The following FGD4 variants were observed in gnomAD, a reference collection of about 807,000 sequenced individuals.
FGD4 encodes FYVE, RhoGEF and PH domain-containing protein 4.
FGD4 carries 42 observed loss-of-function variants against 102.0 expected under a neutral mutation model. The observed-to-expected ratio is 0.41, with a 90% CI of 0.32 to 0.53. The LOEUF (loss-of-function observed/expected upper bound fraction) is 0.53. Among genes scored for constraint, FGD4 ranks in the 20% least tolerant of loss-of-function variants. The probability of loss-of-function intolerance (pLI) is 0.21; values close to 1 mark genes in which losing one functional copy is unlikely to be tolerated. For missense variants in FGD4, 902 were observed against 1,078.2 expected, an observed-to-expected ratio of 0.84 and a Z score of 2.29; for synonymous variants, 380 against 375.7, an observed-to-expected ratio of 1.01 and a Z score of -0.13.
intron 1 of FGD4, among the ~76,000 whole-genome samples, chr12:32,439,936 C>T (rs61927215): frequency 0.091 from 13,896 of 152,064 alleles, 786 homozygotes; most frequent in Middle Eastern, 0.21. Flanking sequence ...ATCTATTTTG[C>T]TAATAAAAGA....
At chr12:32,525,993 C>T (rs1941129780) in intron 1 of FGD4, among the ~76,000 whole-genome samples, 1 of 152,258 alleles carries the variant, frequency 6.6e-6, no homozygotes, top group Non-Finnish European at 1.5e-5. Flanking sequence ...GAGCCTCCGA[C>T]GAGCACCACC....
chr12:32,486,728 G>T (rs1412329042), intron 1 of FGD4, among the ~76,000 whole-genome samples: 1 of 152,200 alleles, frequency 6.6e-6, no homozygotes, highest in Non-Finnish European at 1.5e-5. Context: ...GGGATCTGAA[G>T]TATAGTTGAC....
intron 1 of FGD4, among the ~76,000 whole-genome samples, chr12:32,437,434 T>C (rs1292665337): frequency 6.6e-6 from 1 of 152,172 alleles, no homozygotes; most frequent in Non-Finnish European, 1.5e-5. Context: ...CCCTATACGA[T>C]GAGCGAGGCG....
At position 32,503,888 on chromosome 12, in the gene FGD4, GA is replaced by G. The variant is rs574132371; in HGVS notation, c.167-60244del. 9.4e-4 allele frequency among the ~76,000 whole-genome samples: 143 copies of G among 152,258 alleles called. 3 individuals carry two copies. In the South Asian group the frequency reaches 0.029, roughly 30 times the overall value. ...TTAATTACCATTATCTTAGAATCCA[GA>G]AAAAGGCTGTGAGTGAATGGGTCTG... On this transcript the variant is annotated intron_variant, in intron 1 of 16. Coordinates refer to ENST00000534526, the MANE Select transcript of FGD4 (RefSeq NM_001370298.3).
chr12:32,481,157 A>AAAAAAAAAAAT (rs1565767387), intron 1 of FGD4, among the ~76,000 whole-genome samples: 7 of 148,006 alleles, frequency 4.7e-5, no homozygotes, highest in Non-Finnish European at 1.5e-5. Context: ...AAAAAAAAAA[A>AAAAAAAAAAAT]GCCGGGCGCA....
chr12:32,471,615 A>G (rs1943416821), intron 1 of FGD4, among the ~76,000 whole-genome samples: 1 of 152,116 alleles, frequency 6.6e-6, no homozygotes, highest in South Asian at 2.1e-4. Flanking sequence ...AGTAGCTTCA[A>G]TTAGTGATTT....
At chr12:32,623,709 G>A (rs1949986284) in intron 11 of FGD4, among the ~76,000 whole-genome samples, 1 of 152,178 alleles carries the variant, frequency 6.6e-6, no homozygotes. Context: ...AATGTGGTAT[G>A]TGACAGAAGC....
intron 1 of FGD4, among the ~76,000 whole-genome samples, chr12:32,475,653 A>C (rs1044254657): frequency 1.3e-5 from 2 of 152,196 alleles, no homozygotes; most frequent in African/African-American, 4.8e-5. Flanking sequence ...TCTAGGTTTT[A>C]ATAAAATCTC....
chr12:32,458,463 C>T (rs998111981), intron 1 of FGD4, among the ~76,000 whole-genome samples: 5 of 152,056 alleles, frequency 3.3e-5, no homozygotes, highest in South Asian at 4.1e-4. Context: ...CCTGAGCCAA[C>T]GTGCCCAGGC....
intron 4 of FGD4, among the ~76,000 whole-genome samples, chr12:32,585,639 A>C (rs1227364499): frequency 1.3e-5 from 2 of 151,908 alleles, no homozygotes; most frequent in Non-Finnish European, 2.9e-5. Flanking sequence ...GTTTGAGACC[A>C]ACCTGGGCAA....
chr12:32,459,117 C>G (rs79832507), intron 1 of FGD4, among the ~76,000 whole-genome samples: 5,758 of 150,892 alleles, frequency 0.038, 165 homozygotes, highest in South Asian at 0.12. Flanking sequence ...ATTTAGACAG[C>G]AGGAAGAGTT....
chr12:32,597,532 A>G (rs931462143), intron 4 of FGD4, among the ~76,000 whole-genome samples: 15 of 152,178 alleles, frequency 9.9e-5, no homozygotes, highest in African/African-American at 1.9e-4. Flanking sequence ...ATGTCCAGCA[A>G]TAGTTAGGTA....
At chr12:32,618,491 T>TA (rs1949579703) in intron 10 of FGD4, among the ~76,000 whole-genome samples, 1 of 151,960 alleles carries the variant, frequency 6.6e-6, no homozygotes, top group Non-Finnish European at 1.5e-5. Flanking sequence ...TTTGAACTAA[T>TA]AAATAGGCTA....
intron 1 of FGD4, among the ~76,000 whole-genome samples, chr12:32,489,130 T>C (rs1243229536): frequency 1.3e-5 from 2 of 152,234 alleles, no homozygotes; most frequent in South Asian, 2.1e-4. Flanking sequence ...GCCTCTTCTC[T>C]TTTTGTATTT....
chr12:32,631,009 A>G (rs1193791643), intron 14 of FGD4, among the ~76,000 whole-genome samples: 1 of 152,102 alleles, frequency 6.6e-6, no homozygotes, highest in Non-Finnish European at 1.5e-5. Flanking sequence ...AAAATTATAT[A>G]AACTTCTATA....
chr12:32,450,954 A>T (rs1403663388), intron 1 of FGD4, among the ~76,000 whole-genome samples: 6 of 152,106 alleles, frequency 3.9e-5, no homozygotes, highest in African/African-American at 1.4e-4. Context: ...TGTCCTATAC[A>T]CTTGGGCCCT....
intron 6 of FGD4, among the ~76,000 whole-genome samples, chr12:32,601,670 G>A (rs1250576345): frequency 6.6e-6 from 1 of 152,198 alleles, no homozygotes; most frequent in Non-Finnish European, 1.5e-5. Context: ...ATCTCTCTTT[G>A]CTATGGCATT....
chr12:32,623,201 T>C (rs1297010144), intron 11 of FGD4, among the ~76,000 whole-genome samples: 2 of 152,034 alleles, frequency 1.3e-5, no homozygotes, highest in African/African-American at 4.8e-5. Context: ...GGGAAAAAAA[T>C]CTACCATAAC....
intron 1 of FGD4, among the ~76,000 whole-genome samples, chr12:32,479,608 C>T (rs1414902644): frequency 6.7e-6 from 1 of 149,338 alleles, no homozygotes; most frequent in Non-Finnish European, 1.5e-5. Flanking sequence ...TCACAGACCT[C>T]TCACTGCTAG....
Sources: gnomAD v4.1 joint callset for allele counts (sites outside exome capture counted in the v4.1 genomes callset) on GRCh38, gnomAD v4.1.1 for gene constraint, MANE v1.5 for transcripts, NCBI Gene and HGNC (gene_info 2026-07-23, HGNC 2026-07-21) for gene names.